NXF1: variants seen among roughly 807,000 people sequenced by gnomAD.
NXF1 encodes nuclear RNA export factor 1, also known as mRNA export factor TAP.
A neutral mutation model predicts 92.4 loss-of-function variants in NXF1; 43 were observed. The observed-to-expected ratio is 0.47, with a 90% confidence interval of 0.36 to 0.60. NXF1 has a LOEUF of 0.60. Among genes scored for constraint, NXF1 ranks in the 20% least tolerant of loss-of-function variants. The pLI is 0.00. For synonymous variants in NXF1, 288 were observed against 292.2 expected (o/e 0.99, Z 0.15); for missense variants, 576 against 793.0 (o/e 0.73, Z 3.29).
intron 6 of NXF1, 49 bp downstream of exon 6, chr11:62,801,690 G>T: frequency 6.2e-7 from 1 of 1,608,436 alleles, no homozygotes; most frequent in Non-Finnish European, 8.5e-7. Context: ...GTGGGGGTGT[G>T]AGAAGTAGTA....
At position 62,801,764 on chromosome 11, in the gene NXF1, T is replaced by G; in HGVS notation, c.614A>C (p.Lys205Thr). 1.2e-6 allele frequency: 2 copies of G among 1,614,010 alleles called. No homozygotes were observed. The highest frequency in any genetic ancestry group is 1.7e-6 in the Non-Finnish European group (2 of 1,179,910). The change falls in exon 6 of 21, where the codon AAG becomes ACG. Residue 205 changes from lysine (K) to threonine (T), a missense_variant. This residue lies in a region of NXF1 where 425 missense variants were observed against 635.2 expected (regional missense o/e 0.67). Transcript: ENST00000294172. ...CTTTAGCTGTTCTACTTGTTCTGGC[T>G]TCAGTTCATTCAGTATAGTGTGGGG... ...APPHTILNEL[K>T]PEQVEQLKLI...
intron 2 of NXF1, 93 bp downstream of exon 2, chr11:62,803,699 T>C: frequency 6.5e-7 from 1 of 1,540,256 alleles, no homozygotes; most frequent in African/African-American, 1.4e-5. Flanking sequence ...CATTTCTCAC[T>C]CTAACAGGTG....
chr11:62,803,516 C>A lies in NXF1; in HGVS notation c.272G>T (p.Arg91Leu). 2 of 1,614,012 alleles carry A rather than the reference C, an allele frequency of 1.2e-6. No homozygotes were observed. The highest frequency in any genetic ancestry group is 1.7e-6 in the Non-Finnish European group (2 of 1,179,986). The change falls in exon 3 of 21, where the codon CGC (arginine) becomes CTC (leucine). Residue 91 changes from arginine to leucine, a missense_variant. By Grantham distance (102) the Arg-to-Leu change is moderately radical (BLOSUM62 -2). Around this residue, in one of 2 missense-constraint regions of NXF1, gnomAD observed 151 missense variants for 157.8 expected, o/e 0.96. Coordinates refer to ENST00000294172, the MANE Select transcript of NXF1 (RefSeq NM_006362.5). ...GTCTCTCCGCACAGTAACATGAATG[C>A]GATCTCGATCATGCCAAGTATCACC... ...RRGDTWHDRD[R>L]IHVTVRRDRA...
Position 62,801,361 on chromosome 11 carries a change from T to A in NXF1, c.766A>T (p.Thr256Ser), listed in dbSNP as rs767746214. 7 of 1,614,110 alleles carry A rather than the reference T, an allele frequency of 4.3e-6. No homozygotes were observed. The highest frequency in any genetic ancestry group is 5.9e-6 in the Non-Finnish European group (7 of 1,179,976). The change falls in exon 8 of 21, where the codon ACC becomes TCC. Residue 256 changes from threonine to serine, a missense_variant. Physicochemically the swap from Thr to Ser is moderately conservative, Grantham distance 58 (BLOSUM62 1). Coordinates refer to ENST00000294172, the MANE Select transcript of NXF1 (RefSeq NM_006362.5). ...ATGTTCTCTTCAATGATCCTCAGGG[T>A]AGCTGCCATACAGCTTCTGCGATTC... ...VLNRRSCMAA[T>S]LRIIEENIPE...
At chr11:62,794,494 A>G in intron 18 of NXF1, 54 bp from the exon 19 acceptor site, 2 of 1,470,034 alleles carry the variant, frequency 1.4e-6, no homozygotes, top group Non-Finnish European at 1.9e-6. Flanking sequence ...CATCCTCCCA[A>G]CATCATTCCT....
intron 7 of NXF1, 32 bp downstream of exon 7, chr11:62,801,530 A>G (rs778282605): frequency 1.2e-6 from 2 of 1,612,142 alleles, no homozygotes; most frequent in South Asian, 2.2e-5. Flanking sequence ...CCTTATCACC[A>G]CCTATCTGAG....
chr11:62,800,113 C>T, intron 10 of NXF1: 5 of 1,324,664 alleles, frequency 3.8e-6, no homozygotes, highest in Non-Finnish European at 4.8e-6. Context: ...TAGGGAGATT[C>T]TAGAAAAGGT....
At position 62,794,455 on chromosome 11, in the gene NXF1, G is replaced by C; in HGVS notation, c.1578-15C>G. 1 of 1,599,922 alleles carries C rather than the reference G, an allele frequency of 6.3e-7. No individual in the cohort carries two copies. The highest frequency in any genetic ancestry group is 8.6e-7 in the Non-Finnish European group (1 of 1,168,274). ...CAATACATAGCCTTGAGGACAAAGA[G>C]CACTTAAAAAGCTAGACAGAGATAA... On this transcript the variant is annotated splice_polypyrimidine_tract_variant and intron_variant, in intron 18 of 20. Coordinates refer to ENST00000294172, the MANE Select transcript of NXF1 (RefSeq NM_006362.5).
Position 62,798,746 on chromosome 11 carries a change from C to G in NXF1, c.1017-171G>C, listed in dbSNP as rs942324981. 11 of 1,421,174 alleles carry G rather than the reference C, an allele frequency of 7.7e-6. No homozygotes were observed. The African/African-American group carries it at 1.6e-4, about 21-fold the overall frequency. 88.0% of individuals were successfully genotyped at this position (1,421,174 alleles called of 1,614,324 possible). On this transcript the variant is annotated intron_variant, in intron 10 of 20. Coordinates refer to ENST00000294172, the MANE Select transcript of NXF1 (RefSeq NM_006362.5). ...AATGGCCCCCACTCCCCACCTGACC[C>G]GGGGCACCCAGACATGGACTGCCTT...
intron 17 of NXF1, 126 bp downstream of exon 17, chr11:62,795,775 G>A: frequency 1.1e-6 from 1 of 904,626 alleles, no homozygotes; most frequent in Admixed American, 1.8e-5. Flanking sequence ...CGGCTTGGGG[G>A]CAGAATGGGA....
At chr11:62,792,758 A>G in intron 19 of NXF1, 57 bp from the exon 20 acceptor site, 2 of 1,574,772 alleles carry the variant, frequency 1.3e-6, no homozygotes, top group South Asian at 2.2e-5. Context: ...TGCCAGCTGA[A>G]AGTCCACTCC....
rs1205865790 is a variant in NXF1 at position 62,801,356 on chromosome 11, C to T, written c.771G>A (p.Leu257=). 6.2e-7 allele frequency: 1 copy of T among 1,614,016 alleles called. No homozygotes were observed. Among genetic ancestry groups the T allele is most frequent in the Non-Finnish European group, 8.5e-7 (1 of 1,179,984 alleles). Residue 257 remains leucine (L), a synonymous_variant, in exon 8 of 21, where the codon CTG becomes CTA. Transcript: ENST00000294172. The part of the protein sequence containing the change: ...LNRRSCMAAT[L]RIIEENIPEL... The stretch of plus-strand genomic sequence containing the variant: ...CAGGGATGTTCTCTTCAATGATCCT[C>T]AGGGTAGCTGCCATACAGCTTCTGC...
chr11:62,805,254 G>A (rs1010610719), intron 1 of NXF1, 75 bp downstream of exon 1: 1 of 1,479,738 alleles, frequency 6.8e-7, no homozygotes, highest in Admixed American at 2.2e-5. Context: ...TCACGCCCCG[G>A]GGGCTGAGGC....
chr11:62,795,462 G>A (rs763384939), intron 17 of NXF1: 4 of 221,378 alleles, frequency 1.8e-5, no homozygotes, highest in Non-Finnish European at 3.7e-5. Context: ...GTGATAGAGT[G>A]TGACTCCATC....
rs962959653 is a variant in NXF1, at chr11:62,795,108, CAGAG to C, written c.1505-105_1505-102del. The C allele has an allele frequency of 3.2e-5, 37 of 1,142,656 alleles. No homozygotes were observed. The East Asian group carries it at 8.1e-4, about 25-fold the overall frequency. 70.8% of individuals were successfully genotyped at this position (1,142,656 alleles called of 1,614,324 possible). Reference sequence around the variant, plus strand: ...TTTGATATAAAGAATCCTAGCAAGTCAGAGAGGAATGATTAAGTATATAAGGGTA... The same window carrying C: ...TTTGATATAAAGAATCCTAGCAAGTCAGGAATGATTAAGTATATAAGGGTA... On this transcript the variant is annotated intron_variant, in intron 17 of 20. Transcript: ENST00000294172.
chr11:62,797,173 G>C lies in NXF1; in HGVS notation c.1178+10C>G. ...CTCGGGGTGGGGAGGGGGGACCCTG[G>C]GATACTTACTGTTGCAGGAAGTGCA... On this transcript the variant is annotated intron_variant, in intron 13 of 20. Transcript: ENST00000294172. The C allele has an allele frequency of 6.2e-7, 1 of 1,613,690 alleles. No individual in the cohort carries two copies. The highest frequency in any genetic ancestry group is 1.3e-5 in the African/African-American group (1 of 75,022).
At chr11:62,794,191 GA>G (rs2084397627) in intron 19 of NXF1, 66 bp downstream of exon 19, 1 of 1,464,234 alleles carries the variant, frequency 6.8e-7, no homozygotes, top group Non-Finnish European at 9.3e-7. Context: ...AAACTGTCAG[GA>G]GCCCTCATTA....
chr11:62,799,928 C>T (rs2084460130), intron 10 of NXF1: 1 of 990,390 alleles, frequency 1.0e-6, no homozygotes, highest in South Asian at 4.6e-5. Flanking sequence ...GCAAGAGGGG[C>T]CATCACAGTA....
Position 62,805,407 on chromosome 11 carries a change from A to G in NXF1, c.-51T>C, listed in dbSNP as rs559871343. 3 of 1,606,874 alleles carry G rather than the reference A, an allele frequency of 1.9e-6. No individual in the cohort carries two copies. Among genetic ancestry groups the G allele is most frequent in the East Asian group, 4.5e-5 (2 of 44,382 alleles). ...TCAGGCGCTGGCCGCTACGCCGGCA[A>G]ACAACCTAACTCCCAAGCGCTCAGG... On this transcript the variant is annotated 5_prime_UTR_variant, in exon 1 of 21. Coordinates refer to ENST00000294172, the MANE Select transcript of NXF1 (RefSeq NM_006362.5).
Sources: gnomAD v4.1 joint callset for allele counts on GRCh38, gnomAD v4.1.1 for gene constraint, gnomAD v4.1.1 regional missense constraint, MANE v1.5 for transcripts, NCBI Gene and HGNC (gene_info 2026-07-23, HGNC 2026-07-21) for gene names.